DYM: variants seen among roughly 807,000 people sequenced by gnomAD.
DYM encodes the protein dyggve-Melchior-Clausen syndrome protein.
A neutral mutation model predicts 93.1 loss-of-function variants in DYM; 78 were observed. The ratio of observed to expected loss-of-function variants is 0.84; its 90% confidence interval spans 0.70 to 1.01. The LOEUF (loss-of-function observed/expected upper bound fraction) is 1.01. Among genes scored for constraint, DYM ranks in the 50% least tolerant of loss-of-function variants. The probability of loss-of-function intolerance (pLI) is 0.00; values close to 1 mark genes in which losing one functional copy is unlikely to be tolerated. For synonymous variants in DYM, 321 were observed against 319.7 expected (o/e 1.00, Z -0.04); for missense variants, 789 against 845.0 (o/e 0.93, Z 0.82).
intron 15 of DYM, among the ~76,000 whole-genome samples, chr18:49,145,074 G>T (rs562087403): frequency 8.0e-6 from 1 of 125,738 alleles, no homozygotes; most frequent in Admixed American, 9.0e-5. Flanking sequence ...GCTCCAGCCT[G>T]GGCAACAGTG....
At chr18:49,333,439 A>G (rs1198520650) in intron 7 of DYM, among the ~76,000 whole-genome samples, 3 of 152,246 alleles carry the variant, frequency 2.0e-5, no homozygotes, top group Non-Finnish European at 4.4e-5. Context: ...CTGCTTAAAC[A>G]TAGACAGAAT....
chr18:49,242,349 G>C (rs11663123), intron 13 of DYM, among the ~76,000 whole-genome samples: 2 of 152,178 alleles, frequency 1.3e-5, no homozygotes, highest in African/African-American at 4.8e-5. Context: ...GGGAGGCGGA[G>C]GTTGCACTGA....
At chr18:49,055,152 G>A (rs550486486) in intron 17 of DYM, among the ~76,000 whole-genome samples, 2 of 152,270 alleles carry the variant, frequency 1.3e-5, no homozygotes, top group East Asian at 3.9e-4. Flanking sequence ...GGGCTGGGGT[G>A]GGGGTTGCTG....
At chr18:49,395,543 C>T (rs1293438591) in intron 2 of DYM, among the ~76,000 whole-genome samples, 5 of 151,722 alleles carry the variant, frequency 3.3e-5, no homozygotes, top group African/African-American at 9.7e-5. Context: ...GCAGGAGAAT[C>T]GCTTGAAACT....
At chr18:49,237,775 C>A (rs536426870) in intron 13 of DYM, among the ~76,000 whole-genome samples, 60 of 152,286 alleles carry the variant, frequency 3.9e-4, no homozygotes, top group African/African-American at 1.4e-3. Context: ...AGAGTTTCTG[C>A]ATGTAAACAA....
chr18:49,237,989 A>C (rs958977653), intron 13 of DYM, among the ~76,000 whole-genome samples: 3 of 151,702 alleles, frequency 2.0e-5, no homozygotes, highest in Non-Finnish European at 2.9e-5. Flanking sequence ...AGTTGTTCCT[A>C]ATCTTTTGCT....
At chr18:49,109,864 T>C (rs777166088) in intron 16 of DYM, among the ~76,000 whole-genome samples, 2 of 151,928 alleles carry the variant, frequency 1.3e-5, no homozygotes, top group African/African-American at 4.9e-5. Context: ...GCTCACAAGA[T>C]GAAATCTGTG....
At chr18:49,122,286 C>T (rs369917656) in intron 15 of DYM, among the ~76,000 whole-genome samples, 1 of 152,152 alleles carries the variant, frequency 6.6e-6, no homozygotes, top group African/African-American at 2.4e-5. Flanking sequence ...TGACAATACA[C>T]TTAAACTAGC....
intron 4 of DYM, among the ~76,000 whole-genome samples, chr18:49,379,024 A>C (rs1431614265): frequency 2.0e-5 from 3 of 152,160 alleles, no homozygotes; most frequent in Non-Finnish European, 2.9e-5. Flanking sequence ...CTACCAAAAA[A>C]TTTAAAAAAT....
intron 13 of DYM, among the ~76,000 whole-genome samples, chr18:49,214,831 G>A (rs1433496120): frequency 1.3e-5 from 2 of 152,188 alleles, no homozygotes; most frequent in Admixed American, 6.5e-5. Flanking sequence ...GGGCTTAGAT[G>A]TGAATAAGAT....
chr18:49,310,170 A>G (rs1406193104), intron 8 of DYM, among the ~76,000 whole-genome samples: 3 of 152,228 alleles, frequency 2.0e-5, no homozygotes, highest in Non-Finnish European at 2.9e-5. Flanking sequence ...TAATGTATCA[A>G]ATTTGTAATG....
In DYM at chr18:49,326,534, C is replaced by T. The variant is rs958951714; in HGVS notation, c.763+5330G>A. 5.3e-5 allele frequency among the ~76,000 whole-genome samples: 8 copies of T among 151,390 alleles called. No homozygotes were observed. In the South Asian group the frequency reaches 1.7e-3, roughly 32 times the overall value. On this transcript the variant is annotated intron_variant, in intron 8 of 17. Coordinates refer to ENST00000675505, the MANE Select transcript of DYM (RefSeq NM_001353214.3). ...CTATTACACTAATTTTAAAAACTTA[C>T]TAGTGGTAATTAAAAGGTATTAGTA...
chr18:49,404,816 G>A (rs2071269982), intron 2 of DYM, among the ~76,000 whole-genome samples: 2 of 151,992 alleles, frequency 1.3e-5, no homozygotes, highest in Non-Finnish European at 2.9e-5. Flanking sequence ...TCAGGAGTTC[G>A]AGACCAGCCT....
At chr18:49,312,921 TAATCA>T (rs2061687516) in intron 8 of DYM, among the ~76,000 whole-genome samples, 1 of 152,178 alleles carries the variant, frequency 6.6e-6, no homozygotes, top group Non-Finnish European at 1.5e-5. Context: ...AACAGAGTCC[TAATCA>T]CATGTGCCAC....
Position 49,043,894 on chromosome 18 carries a change from C to G in DYM, c.*161G>C. On this transcript the variant is annotated 3_prime_UTR_variant, in exon 18 of 18. Transcript: ENST00000675505. ...CTGAGTTATCTATTGCCAACTAGCA[C>G]CAATTCTCCAAATCAAAGTGTGTGA... The G allele has an allele frequency of 1.2e-6, 1 of 834,648 alleles. No individual in the cohort carries two copies. 51.7% of individuals were successfully genotyped at this position (834,648 alleles called of 1,614,324 possible).
At chr18:49,119,383 C>G (rs537411108) in intron 15 of DYM, among the ~76,000 whole-genome samples, 8 of 152,266 alleles carry the variant, frequency 5.3e-5, no homozygotes, top group African/African-American at 1.9e-4. Context: ...TTCAGATAAA[C>G]AGACTATGAT....
chr18:49,169,159 C>T (rs1176242608), intron 14 of DYM, among the ~76,000 whole-genome samples: 1 of 152,188 alleles, frequency 6.6e-6, no homozygotes, highest in Non-Finnish European at 1.5e-5. Context: ...CCTGCCTCCC[C>T]AGAGGGCGCA....
chr18:49,121,398 G>A (rs1251233136), intron 15 of DYM, among the ~76,000 whole-genome samples: 1 of 151,958 alleles, frequency 6.6e-6, no homozygotes, highest in Non-Finnish European at 1.5e-5. Context: ...TCCAACAAGG[G>A]CTGTAAAATA....
chr18:49,080,285 G>A (rs1231703309), intron 17 of DYM, among the ~76,000 whole-genome samples: 7 of 138,078 alleles, frequency 5.1e-5, no homozygotes, highest in African/African-American at 1.4e-4. Context: ...AGGGGCGGCG[G>A]GGCAGAGGCG....
Sources: gnomAD v4.1 joint callset for allele counts (sites outside exome capture counted in the v4.1 genomes callset) on GRCh38, gnomAD v4.1.1 for gene constraint, MANE v1.5 for transcripts, NCBI Gene and HGNC (gene_info 2026-07-23, HGNC 2026-07-21) for gene names.